CHST8: variants seen among roughly 807,000 people sequenced by gnomAD.
CHST8 encodes GALNAC-4-ST1.
Under a neutral mutation model 15.0 loss-of-function variants are expected in CHST8, and 10 were observed. That is an observed-to-expected ratio of 0.67 (90% CI 0.41 to 1.13). The LOEUF (loss-of-function observed/expected upper bound fraction) is 1.13. CHST8 is among the 50% of genes most tolerant of loss of function. The probability of loss-of-function intolerance (pLI) is 0.00; values close to 1 mark genes in which losing one functional copy is unlikely to be tolerated. For missense variants in CHST8, 634 were observed against 608.2 expected, an observed-to-expected ratio of 1.04 and a Z score of -0.45; for synonymous variants, 259 against 256.6, an observed-to-expected ratio of 1.01 and a Z score of -0.09.
intron 3 of CHST8, among the ~76,000 whole-genome samples, chr19:33,706,333 G>A (rs907260131): frequency 6.6e-6 from 1 of 152,184 alleles, no homozygotes; most frequent in Non-Finnish European, 1.5e-5. Flanking sequence ...TGAAGAGTCA[G>A]GTGCCCATGT....
At chr19:33,726,851 T>C (rs1398723837) in intron 3 of CHST8, among the ~76,000 whole-genome samples, 1 of 151,966 alleles carries the variant, frequency 6.6e-6, no homozygotes, top group East Asian at 1.9e-4. Context: ...AACCCAGCCC[T>C]CAGGGCCATC....
chr19:33,649,549 A>G lies in CHST8; in HGVS notation c.-163-18218A>G, dbSNP rs72623850. 9.1e-3 allele frequency among the ~76,000 whole-genome samples: 1,392 copies of G among 152,332 alleles called. 28 individuals carry two copies. Among genetic ancestry groups the G allele is most frequent in the East Asian group, 0.066 (344 of 5,182 alleles). On this transcript the variant is annotated intron_variant, in intron 1 of 4. Coordinates refer to ENST00000650847, the MANE Select transcript of CHST8 (RefSeq NM_001127895.2). ...TACGCATATTCAGCAAGTTACAGGAAGAACTATGAACATTCATGAGGGGGG... is the reference window on the plus strand; with the variant it reads ...TACGCATATTCAGCAAGTTACAGGAGGAACTATGAACATTCATGAGGGGGG...
chr19:33,763,825 A>G (rs1309399700), intron 3 of CHST8, among the ~76,000 whole-genome samples: 1 of 152,236 alleles, frequency 6.6e-6, no homozygotes, highest in Non-Finnish European at 1.5e-5. Context: ...TGTGTCCCTC[A>G]GCCCTGGGGC....
intron 3 of CHST8, among the ~76,000 whole-genome samples, chr19:33,748,679 GCA>G (rs1974358171): frequency 6.6e-6 from 1 of 152,194 alleles, no homozygotes; most frequent in Non-Finnish European, 1.5e-5. Flanking sequence ...TGCAGGAGAC[GCA>G]CACAGCCTTG....
chr19:33,653,799 G>A (rs1972477131), intron 1 of CHST8, among the ~76,000 whole-genome samples: 1 of 152,188 alleles, frequency 6.6e-6, no homozygotes, highest in African/African-American at 2.4e-5. Context: ...TATATAAGGT[G>A]TTTAAAATGG....
chr19:33,692,053 C>G (rs569252328), intron 3 of CHST8, among the ~76,000 whole-genome samples: 3 of 152,168 alleles, frequency 2.0e-5, no homozygotes, highest in Non-Finnish European at 4.4e-5. Flanking sequence ...AGCACCTGAA[C>G]TTTACATGGA....
At chr19:33,674,112 G>A (rs1250290888) in intron 2 of CHST8, among the ~76,000 whole-genome samples, 2 of 152,176 alleles carry the variant, frequency 1.3e-5, no homozygotes, top group Non-Finnish European at 2.9e-5. Context: ...CTGGGGCCAG[G>A]GGAGGCTAGG....
intron 1 of CHST8, among the ~76,000 whole-genome samples, chr19:33,653,278 T>C (rs551519460): frequency 1.1e-4 from 17 of 152,304 alleles, no homozygotes; most frequent in African/African-American, 1.7e-4. Flanking sequence ...GTTATTTTCC[T>C]TTAGCTCTCT....
At chr19:33,721,929 A>G (rs190083084) in intron 3 of CHST8, among the ~76,000 whole-genome samples, 68 of 149,298 alleles carry the variant, frequency 4.6e-4, no homozygotes, top group African/African-American at 1.7e-3. Context: ...AGATGGATGG[A>G]CAGATGGATG....
At chr19:33,624,123 G>C (rs573292206) in intron 1 of CHST8, among the ~76,000 whole-genome samples, 14 of 152,348 alleles carry the variant, frequency 9.2e-5, no homozygotes, top group African/African-American at 3.4e-4. Flanking sequence ...CTCGGCAAGA[G>C]TGAATTATGT....
At position 33,675,523 on chromosome 19, in the gene CHST8, G is replaced by A. The variant is rs539185526; in HGVS notation, c.-87+7680G>A. Among the ~76,000 whole-genome samples, 92 of 152,310 alleles carry A rather than the reference G, an allele frequency of 6.0e-4. No individual in the cohort carries two copies. The South Asian group carries it at 8.3e-3, about 14-fold the overall frequency. On this transcript the variant is annotated intron_variant, in intron 2 of 4. Transcript: ENST00000650847. ...CGCTTCCAAAAACATCCTGGTCTAG[G>A]CAGAGTTTGTGTCCAATGCGTGGTC...
intron 3 of CHST8, among the ~76,000 whole-genome samples, chr19:33,693,380 A>C (rs73926587): frequency 0.03 from 4,622 of 152,290 alleles, 207 homozygotes; most frequent in African/African-American, 0.11. Context: ...CACTGAACTC[A>C]TTCCTTAATA....
chr19:33,747,970 G>A (rs180748628), intron 3 of CHST8, among the ~76,000 whole-genome samples: 1 of 152,244 alleles, frequency 6.6e-6, no homozygotes, highest in East Asian at 1.9e-4. Flanking sequence ...ATGAGTTCTG[G>A]TGGAGAAGGA....
chr19:33,732,378 C>T (rs913296830), intron 3 of CHST8, among the ~76,000 whole-genome samples: 2 of 152,014 alleles, frequency 1.3e-5, no homozygotes, highest in Non-Finnish European at 2.9e-5. Context: ...AAGTAAAGGA[C>T]AGAGCCCTCC....
chr19:33,708,582 T>C (rs1227168110), intron 3 of CHST8, among the ~76,000 whole-genome samples: 1 of 152,270 alleles, frequency 6.6e-6, no homozygotes, highest in Non-Finnish European at 1.5e-5. Context: ...TTCATTGATC[T>C]GTATGTCTAT....
At chr19:33,688,860 G>C (rs576387953) in intron 2 of CHST8, among the ~76,000 whole-genome samples, 2 of 152,292 alleles carry the variant, frequency 1.3e-5, no homozygotes, top group East Asian at 3.9e-4. Context: ...TGCAGGGGGT[G>C]GCTGCTGGTT....
At chr19:33,688,083 G>A (rs576287458) in intron 2 of CHST8, among the ~76,000 whole-genome samples, 19 of 152,336 alleles carry the variant, frequency 1.2e-4, no homozygotes, top group African/African-American at 4.3e-4. Context: ...TGGAAAGTAA[G>A]GGGACAGAGT....
rs1025092082 is a variant in CHST8 at position 33,659,499 on chromosome 19, A to T, written c.-163-8268A>T. Among the ~76,000 whole-genome samples, 8 of 152,178 alleles carry T rather than the reference A, an allele frequency of 5.3e-5. No individual in the cohort carries two copies. In the East Asian group the frequency reaches 1.5e-3, roughly 29 times the overall value. On this transcript the variant is annotated intron_variant, in intron 1 of 4. Coordinates refer to ENST00000650847, the MANE Select transcript of CHST8 (RefSeq NM_001127895.2). ...GGGAGTGCCAGATTTTGTCTGTTGA[A>T]TCCTTAATAATCTCAATTTTGTTTG...
chr19:33,722,102 T>G (rs1273136592), intron 3 of CHST8, among the ~76,000 whole-genome samples: 1 of 128,376 alleles, frequency 7.8e-6, no homozygotes, highest in African/African-American at 4.6e-5. Context: ...GATGGATGGA[T>G]GGATGGATGA....
Sources: allele counts gnomAD v4.1 joint callset (sites outside exome capture counted in the v4.1 genomes callset), GRCh38; gene constraint gnomAD v4.1.1; transcripts MANE v1.5; gene names NCBI Gene and HGNC (gene_info 2026-07-23, HGNC 2026-07-21).